The following PATJ variants were observed in gnomAD, a reference collection of about 807,000 sequenced individuals.
PATJ encodes inaD-like protein.
PATJ carries 190 observed loss-of-function variants against 224.9 expected under a neutral mutation model. The ratio of observed to expected loss-of-function variants is 0.84; its 90% CI spans 0.75 to 0.95. The LOEUF is 0.95. Among genes scored for constraint, PATJ ranks in the 40% least tolerant of loss-of-function variants. The probability of loss-of-function intolerance (pLI) is 0.00; values close to 1 mark genes in which losing one functional copy is unlikely to be tolerated. For synonymous variants in PATJ, 769 were observed against 820.3 expected (o/e 0.94, Z 1.07); for missense variants, 2,121 against 2,270.3 (o/e 0.93, Z 1.34).
chr1:62,086,935 G>C lies in PATJ; in HGVS notation c.4377+2287G>C, dbSNP rs1660068811. On this transcript the variant is annotated intron_variant, in intron 33 of 43. Coordinates refer to ENST00000642238, the MANE Select transcript of PATJ (RefSeq NM_001350145.3). This position sits in a 1 kb window ranked among gnomAD's most constrained non-coding sequence, Gnocchi z 4.0. ...TGCCTGCGACCCCTGAAGCCCCAGA[G>C]AGTGTGTTACAATGCTAACCTCCGT... Among the ~76,000 whole-genome samples the C allele has an allele frequency of 6.6e-6, 1 of 152,160 alleles. No homozygotes were observed.
chr1:61,887,294 G>A lies in PATJ; in HGVS notation c.3131+2886G>A, dbSNP rs543925949. Among the ~76,000 whole-genome samples, 7 of 152,244 alleles carry A rather than the reference G, an allele frequency of 4.6e-5. No homozygotes were observed. In the South Asian group the frequency reaches 1.5e-3, roughly 32 times the overall value. On this transcript the variant is annotated intron_variant, in intron 22 of 43. Coordinates refer to ENST00000642238, the MANE Select transcript of PATJ (RefSeq NM_001350145.3). ...CTCCACTAAGATAGGTGCCAGGAAG[G>A]AAAGGAAGGTCTGGATGTAGGTACT...
chr1:62,162,845 G>A lies in PATJ; in HGVS notation c.*1791G>A, dbSNP rs1669933721. ...GCCTGTAATCCCAGCTACTCCGGAG[G>A]TTGAAGCAGGAAAATTGCTTGAACC... On this transcript the variant is annotated 3_prime_UTR_variant, in exon 44 of 44. Coordinates refer to ENST00000642238, the MANE Select transcript of PATJ (RefSeq NM_001350145.3). 1 of 272,648 alleles carries A rather than the reference G, an allele frequency of 3.7e-6. No homozygotes were observed. Among genetic ancestry groups the A allele is most frequent in the Non-Finnish European group, 7.3e-6 (1 of 137,042 alleles). 16.9% of individuals were successfully genotyped at this position (272,648 alleles called of 1,614,324 possible). A position where few individuals can be genotyped will look rare whatever the true frequency, so the allele number is the denominator to read the frequency against.
In PATJ at chr1:62,017,936, GGTTTT is replaced by G. The variant is rs1188347186; in HGVS notation, c.3949_3953del (p.Val1317HisfsTer26). 1.2e-6 allele frequency: 2 copies of G among 1,605,304 alleles called. No individual in the cohort carries two copies. The highest frequency in any genetic ancestry group is 2.7e-5 in the African/African-American group (2 of 74,762). ...AGACTGCCCCATCAAAGGTCAAGCTGGTTTTCATCAGGTAAGATTGCTAGATCTGG... is the reference window on the plus strand; with the variant it reads ...AGACTGCCCCATCAAAGGTCAAGCTGCATCAGGTAAGATTGCTAGATCTGG... On this transcript the variant is annotated frameshift_variant, in exon 29 of 44. Transcript: ENST00000642238. LOFTEE classifies it high-confidence loss of function.
intron 1 of PATJ, among the ~76,000 whole-genome samples, chr1:61,753,509 A>G (rs898192383): frequency 2.1e-5 from 2 of 95,432 alleles, no homozygotes; most frequent in Non-Finnish European, 2.0e-5. Flanking sequence ...TCTTGATTCT[A>G]TTACATATTT....
intron 28 of PATJ, among the ~76,000 whole-genome samples, chr1:62,006,536 T>A (rs1646106577): frequency 6.6e-6 from 1 of 152,250 alleles, no homozygotes; most frequent in Non-Finnish European, 1.5e-5. Flanking sequence ...TAAAGATCTC[T>A]AAAGTGAAAG....
At chr1:61,869,195 C>T (rs1364296148) in intron 20 of PATJ, among the ~76,000 whole-genome samples, 3 of 145,820 alleles carry the variant, frequency 2.1e-5, no homozygotes, top group Non-Finnish European at 4.5e-5. Flanking sequence ...CAAGCTCCGC[C>T]TCCCGGGTTC....
chr1:61,868,510 C>T (rs537406667), intron 20 of PATJ, among the ~76,000 whole-genome samples: 17 of 152,204 alleles, frequency 1.1e-4, no homozygotes, highest in African/African-American at 3.6e-4. Flanking sequence ...TTGAATAGGC[C>T]GGGCATGGTG....
At chr1:61,857,022 T>C (rs552975685) in intron 18 of PATJ, among the ~76,000 whole-genome samples, 1 of 152,316 alleles carries the variant, frequency 6.6e-6, no homozygotes, top group Non-Finnish European at 1.5e-5. Context: ...TTTAATATGC[T>C]TTTCTCTCCA....
chr1:61,895,981 G>T (rs527464019), intron 22 of PATJ, among the ~76,000 whole-genome samples: 245 of 152,296 alleles, frequency 1.6e-3, no homozygotes, highest in African/African-American at 5.5e-3. Flanking sequence ...TGGAGTCAAG[G>T]GAGATCATTT....
intron 39 of PATJ, among the ~76,000 whole-genome samples, chr1:62,124,330 AC>A (rs1241985006): frequency 6.6e-6 from 1 of 151,824 alleles, no homozygotes; most frequent in Non-Finnish European, 1.5e-5. Flanking sequence ...CGATCCGACC[AC>A]CTCAGCCTTC....
At chr1:61,898,159 G>A (rs982424436) in intron 22 of PATJ, among the ~76,000 whole-genome samples, 2 of 152,190 alleles carry the variant, frequency 1.3e-5, no homozygotes, top group Non-Finnish European at 2.9e-5. Flanking sequence ...AAGGTTGTGA[G>A]GTTGTATGCT....
At position 62,161,413 on chromosome 1, in the gene PATJ, A is replaced by ACTG. The variant is rs1188223085; in HGVS notation, c.*361_*363dup. On this transcript the variant is annotated 3_prime_UTR_variant, in exon 44 of 44. Transcript: ENST00000642238. ...GAGTGCAATGGCGCAATCTTGGCTC[A>ACTG]CTGCAACCTCGGCCTCCCAGGTTGG... 6.6e-6 allele frequency: 1 copy of ACTG among 151,812 alleles called. No individual in the cohort carries two copies. Among genetic ancestry groups the ACTG allele is most frequent in the Non-Finnish European group, 1.3e-5 (1 of 76,314 alleles). 9.4% of individuals were successfully genotyped at this position (151,812 alleles called of 1,614,324 possible). A position where few individuals can be genotyped will look rare whatever the true frequency, so the allele number is the denominator to read the frequency against.
At chr1:61,830,539 T>G (rs1389540810) in intron 16 of PATJ, among the ~76,000 whole-genome samples, 1 of 151,608 alleles carries the variant, frequency 6.6e-6, no homozygotes, top group Non-Finnish European at 1.5e-5. Context: ...TAGAAAAATT[T>G]TTTGGAACCA....
chr1:61,866,558 G>A (rs1280793874), intron 20 of PATJ, among the ~76,000 whole-genome samples: 1 of 152,000 alleles, frequency 6.6e-6, no homozygotes, highest in East Asian at 1.9e-4. Context: ...TTGAGATACA[G>A]CAATTTTTGA....
At position 61,870,962 on chromosome 1, in the gene PATJ, A is replaced by G. The variant is rs187810779; in HGVS notation, c.2836-4281A>G. On this transcript the variant is annotated intron_variant, in intron 20 of 43. Transcript: ENST00000642238. ...TGTTTTGTTTTGCATTATCCTAACAATTAGTGATATTGAGCATCCTTTCAT... is the reference window on the plus strand; with the variant it reads ...TGTTTTGTTTTGCATTATCCTAACAGTTAGTGATATTGAGCATCCTTTCAT... Among the ~76,000 whole-genome samples the G allele has an allele frequency of 1.3e-3, 199 of 152,054 alleles. 3 individuals carry two copies. The highest frequency in any genetic ancestry group is 0.01 in the Middle Eastern group (3 of 294).
intron 10 of PATJ, among the ~76,000 whole-genome samples, chr1:61,796,667 T>TTTCTTTCTTTCTTTCTTTC (rs1651192627): frequency 6.4e-5 from 2 of 31,188 alleles, no homozygotes; most frequent in African/African-American, 1.4e-4. Context: ...ATTTTCTTTC[T>TTTCTTTCTTTCTTTCTTTC]TTCTTTCTTT....
chr1:61,742,734 C>T (rs1644820299), intron 1 of PATJ, among the ~76,000 whole-genome samples, 179 bp downstream of exon 1: 1 of 151,032 alleles, frequency 6.6e-6, no homozygotes, highest in South Asian at 2.1e-4. Context: ...CCGCCGGGCG[C>T]TCAGAGGGGC....
chr1:61,849,408 A>T (rs1250222204), intron 17 of PATJ, among the ~76,000 whole-genome samples: 2 of 152,074 alleles, frequency 1.3e-5, no homozygotes, highest in Admixed American at 1.3e-4. Flanking sequence ...CTGCTGAGCA[A>T]CACAGGGAGA....
intron 27 of PATJ, chr1:61,952,355 G>T (rs1427024046): frequency 2.8e-6 from 2 of 714,106 alleles, no homozygotes; most frequent in East Asian, 2.7e-5. Flanking sequence ...TTGGATATTT[G>T]TCAGGAATGC....
Sources: gnomAD v4.1 joint callset for allele counts (sites outside exome capture counted in the v4.1 genomes callset) on GRCh38, gnomAD v4.1.1 for gene constraint, Gnocchi (gnomAD v3.1) non-coding constraint, MANE v1.5 for transcripts, NCBI Gene and HGNC (gene_info 2026-07-23, HGNC 2026-07-21) for gene names.